The following ZSWIM5 variants were observed in gnomAD, a reference collection of about 807,000 sequenced individuals.
ZSWIM5 encodes zinc finger SWIM domain-containing protein 5.
In ZSWIM5, 55 loss-of-function variants were observed where a neutral mutation model predicts 119.6. The observed-to-expected ratio is 0.46, with a 90% CI of 0.37 to 0.58. The LOEUF (loss-of-function observed/expected upper bound fraction) is 0.58. Ranked by LOEUF, ZSWIM5 falls within the 20% of genes least tolerant of loss-of-function variation. ZSWIM5 has a pLI of 0.00. For missense variants in ZSWIM5, 1,193 were observed against 1,512.8 expected, an observed-to-expected ratio of 0.79 and a Z score of 3.51; for synonymous variants, 537 against 606.9, an observed-to-expected ratio of 0.88 and a Z score of 1.69.
At chr1:45,109,757 A>AG (rs397808770) in intron 1 of ZSWIM5, among the ~76,000 whole-genome samples, 1 of 151,068 alleles carries the variant, frequency 6.6e-6, no homozygotes, top group Non-Finnish European at 1.5e-5. Flanking sequence ...AAAAAAAAAA[A>AG]GAATGTTATT....
In ZSWIM5 at chr1:45,047,208, G is replaced by C. The variant is rs146613520; in HGVS notation, c.1433-3813C>G. Among the ~76,000 whole-genome samples the C allele has an allele frequency of 3.0e-4, 46 of 152,182 alleles. No individual in the cohort carries two copies. The East Asian group carries it at 7.0e-3, about 23-fold the overall frequency. ...AAGTTTCAAGGAGAGTGTGACTAATGTGTCAAATACTGCGGATAGGTCAAG... is the reference window on the plus strand; with the variant it reads ...AAGTTTCAAGGAGAGTGTGACTAATCTGTCAAATACTGCGGATAGGTCAAG... On this transcript the variant is annotated intron_variant, in intron 5 of 13. Transcript: ENST00000359600.
At chr1:45,186,247 G>A in intron 1 of ZSWIM5, among the ~76,000 whole-genome samples, 1 of 141,362 alleles carries the variant, frequency 7.1e-6, no homozygotes, top group Admixed American at 7.2e-5. Context: ...TCTGGGGACT[G>A]TTGTGCAGTG....
rs1646194468 is a variant in ZSWIM5, at chr1:45,206,599, C to G, written c.-249G>C. 2.1e-6 allele frequency: 2 copies of G among 933,584 alleles called. No individual in the cohort carries two copies. Among genetic ancestry groups the G allele is most frequent in the African/African-American group, 3.6e-5 (2 of 56,158 alleles). 57.8% of individuals were successfully genotyped at this position (933,584 alleles called of 1,614,324 possible). On this transcript the variant is annotated 5_prime_UTR_variant, in exon 1 of 14. Transcript: ENST00000359600. ...CGCGGTGTCCTGGCCGCCGCGGACGCGAAGACAGGCGGGAGCGAGCGCGGG... is the reference window on the plus strand; with the variant it reads ...CGCGGTGTCCTGGCCGCCGCGGACGGGAAGACAGGCGGGAGCGAGCGCGGG...
chr1:45,085,524 G>GTTTTTTTTTTTTTTTT (rs1387910637), intron 2 of ZSWIM5, among the ~76,000 whole-genome samples: 2 of 128,948 alleles, frequency 1.6e-5, no homozygotes, highest in African/African-American at 5.8e-5. Flanking sequence ...AGGTTAGTTT[G>GTTTTTTTTTTTTTTTT]TTTGTTTTTT....
At chr1:45,190,804 G>C (rs1232047717) in intron 1 of ZSWIM5, among the ~76,000 whole-genome samples, 1 of 152,098 alleles carries the variant, frequency 6.6e-6, no homozygotes, top group African/African-American at 2.4e-5. Context: ...ACAGAAGCAG[G>C]ACTGGGAAGA....
rs1644871997 is a variant in ZSWIM5 at position 45,019,079 on chromosome 1, A to G, written c.2933T>C (p.Ile978Thr). 1.2e-5 allele frequency: 19 copies of G among 1,614,090 alleles called. No individual in the cohort carries two copies. The highest frequency in any genetic ancestry group is 1.6e-5 in the Non-Finnish European group (19 of 1,180,048). The change falls in exon 14 of 14, where the codon ATT (isoleucine) becomes ACT (threonine). Residue 978 changes from isoleucine to threonine, a missense_variant. Transcript: ENST00000359600. The surrounding 1 kb of genome is among the most constrained non-coding windows in gnomAD (Gnocchi z 5.0). ...AATCTGGTAGGCTGCCTCAAAGGCAATGTGGTCTTTCTCACAGAGTGTAAG... is the reference window on the plus strand; with the variant it reads ...AATCTGGTAGGCTGCCTCAAAGGCAGTGTGGTCTTTCTCACAGAGTGTAAG... Reference protein sequence around the residue: ...SALTLCEKDHIAFEAAYQIAI... With the variant: ...SALTLCEKDHTAFEAAYQIAI...
At chr1:45,138,894 C>CTTTTTTT (rs34851118) in intron 1 of ZSWIM5, among the ~76,000 whole-genome samples, 2 of 140,616 alleles carry the variant, frequency 1.4e-5, no homozygotes, top group Non-Finnish European at 1.6e-5. Context: ...TTTTCTTTTT[C>CTTTTTTT]TTTTTTTTTT....
chr1:45,178,349 G>T (rs1304266075), intron 1 of ZSWIM5, among the ~76,000 whole-genome samples: 1 of 152,092 alleles, frequency 6.6e-6, no homozygotes, highest in East Asian at 1.9e-4. Flanking sequence ...GCTTGAACCT[G>T]GGAGGTGGAG....
chr1:45,184,653 C>T (rs1233885865), intron 1 of ZSWIM5, among the ~76,000 whole-genome samples: 1 of 151,840 alleles, frequency 6.6e-6, no homozygotes, highest in Non-Finnish European at 1.5e-5. Context: ...TTCACAATTG[C>T]TTCAAAGAGA....
chr1:45,205,664 A>T (rs1646183434), intron 1 of ZSWIM5, 92 bp downstream of exon 1: 1 of 1,315,658 alleles, frequency 7.6e-7, no homozygotes, highest in African/African-American at 1.6e-5. Flanking sequence ...GTTGGGCAGA[A>T]GGCCGGGGTC....
chr1:45,035,841 A>G lies in ZSWIM5; in HGVS notation c.2156-18T>C. 6.2e-7 allele frequency: 1 copy of G among 1,611,750 alleles called. No individual in the cohort carries two copies. The highest frequency in any genetic ancestry group is 1.3e-5 in the African/African-American group (1 of 74,914). ...AGGACCTCCTGGAGGAAGATAAGCC[A>G]GCCAGTTATTTATCTGTATGCTTCC... On this transcript the variant is annotated intron_variant, in intron 9 of 13. Transcript: ENST00000359600.
At chr1:45,097,504 GGACCTGA>G (rs1006442384) in intron 1 of ZSWIM5, among the ~76,000 whole-genome samples, 1 of 152,102 alleles carries the variant, frequency 6.6e-6, no homozygotes, top group African/African-American at 2.4e-5. Flanking sequence ...AAGTAGTAAA[GGACCTGA>G]GACATAATCA....
At chr1:45,021,013 C>T (rs1644884339) in intron 11 of ZSWIM5, among the ~76,000 whole-genome samples, 1 of 151,932 alleles carries the variant, frequency 6.6e-6, no homozygotes, top group African/African-American at 2.4e-5. Context: ...TCATCTGTCT[C>T]TACCTAATAC....
intron 6 of ZSWIM5, among the ~76,000 whole-genome samples, chr1:45,041,872 A>G (rs1270585230): frequency 6.6e-6 from 1 of 152,152 alleles, no homozygotes; most frequent in Non-Finnish European, 1.5e-5. Context: ...ATGGTATTAT[A>G]CTTACTGTTT....
Position 45,018,594 on chromosome 1 carries a change from CAATG to C in ZSWIM5, c.3414_3417del (p.Phe1138LeufsTer4). 1 of 1,614,236 alleles carries C rather than the reference CAATG, an allele frequency of 6.2e-7. No homozygotes were observed. The highest frequency in any genetic ancestry group is 8.5e-7 in the Non-Finnish European group (1 of 1,180,038). On this transcript the variant is annotated frameshift_variant, in exon 14 of 14. Coordinates refer to ENST00000359600, the MANE Select transcript of ZSWIM5 (RefSeq NM_020883.2). LOFTEE classifies it high-confidence loss of function. The surrounding 1 kb of genome is among the most constrained non-coding windows in gnomAD (Gnocchi z 6.7). ...GTCTCCCGAGCCTTGCTTAGAAACT[CAATG>C]AACTCTCCATAGTGGCGAGGGCTGA...
intron 1 of ZSWIM5, among the ~76,000 whole-genome samples, chr1:45,165,383 A>G (rs905659157): frequency 7.2e-5 from 11 of 152,236 alleles, no homozygotes; most frequent in Non-Finnish European, 1.5e-4. Context: ...TAAAATTGAC[A>G]CCCTAACATA....
Position 45,019,179 on chromosome 1 carries a change from C to T in ZSWIM5, c.2833G>A (p.Glu945Lys). 1 of 1,613,740 alleles carries T rather than the reference C, an allele frequency of 6.2e-7. No homozygotes were observed. The highest frequency in any genetic ancestry group is 8.5e-7 in the Non-Finnish European group (1 of 1,180,030). Reference sequence around the variant, plus strand: ...AGTGTGCGAGCACAGCTAGCCAGTTCCTCCCGCTGTGGATAGTCAAGACTG... The same window carrying T: ...AGTGTGCGAGCACAGCTAGCCAGTTTCTCCCGCTGTGGATAGTCAAGACTG... ...RLSLDYPQRE[E>K]LASCARTLAL... Residue 945 changes from glutamate to lysine, a missense_variant, in exon 14 of 14, where the codon GAA (glutamate) becomes AAA (lysine). Physicochemically the swap from Glu to Lys is moderately conservative, Grantham distance 56 (BLOSUM62 1). Transcript: ENST00000359600. This position sits in a 1 kb window ranked among gnomAD's most constrained non-coding sequence, Gnocchi z 5.0.
chr1:45,162,364 T>C (rs1645868835), intron 1 of ZSWIM5, among the ~76,000 whole-genome samples: 1 of 152,140 alleles, frequency 6.6e-6, no homozygotes. Flanking sequence ...GGTTCCAAGA[T>C]GGCCGAATAG....
chr1:45,049,024 G>A (rs138828727), intron 5 of ZSWIM5, among the ~76,000 whole-genome samples: 12 of 152,264 alleles, frequency 7.9e-5, no homozygotes, highest in Admixed American at 2.0e-4. Context: ...CCAACTACTC[G>A]GGAGGCTGAG....
Sources: allele counts gnomAD v4.1 joint callset (sites outside exome capture counted in the v4.1 genomes callset), GRCh38; gene constraint gnomAD v4.1.1; non-coding constraint Gnocchi (gnomAD v3.1); transcripts MANE v1.5; gene names NCBI Gene and HGNC (gene_info 2026-07-23, HGNC 2026-07-21).